The following NCOA3 variants were observed in gnomAD, a reference collection of about 807,000 sequenced individuals.
NCOA3 encodes nuclear receptor coactivator 3, also known as CBP-interacting protein.
A neutral mutation model predicts 158.8 loss-of-function variants in NCOA3; 51 were observed. The ratio of observed to expected loss-of-function variants is 0.32; its 90% CI spans 0.26 to 0.41. The LOEUF (loss-of-function observed/expected upper bound fraction) is 0.41. NCOA3 is among the 10% of genes least tolerant of loss of function. The pLI is 1.00. For synonymous variants in NCOA3, 537 were observed against 592.4 expected, an observed-to-expected ratio of 0.91 and a Z score of 1.36; for missense variants, 1,510 against 1,746.6, an observed-to-expected ratio of 0.86 and a Z score of 2.41.
chr20:47,569,045 G>A (rs2085249265), intron 1 of NCOA3, among the ~76,000 whole-genome samples: 1 of 151,088 alleles, frequency 6.6e-6, no homozygotes, highest in African/African-American at 2.4e-5. Flanking sequence ...TCTGCCTTCC[G>A]GGTTCAAGCA....
intron 17 of NCOA3, among the ~76,000 whole-genome samples, chr20:47,646,022 C>T (rs904880730): frequency 3.3e-5 from 5 of 152,062 alleles, no homozygotes; most frequent in African/African-American, 1.2e-4. Context: ...AATGGTGATG[C>T]TGTGTACCGT....
chr20:47,519,261 G>A (rs533549484), intron 1 of NCOA3, among the ~76,000 whole-genome samples: 1 of 152,072 alleles, frequency 6.6e-6, no homozygotes, highest in South Asian at 2.1e-4. Context: ...ATGGTGAAAT[G>A]CTGTCTCTAC....
At chr20:47,549,200 A>G (rs1402396939) in intron 1 of NCOA3, among the ~76,000 whole-genome samples, 1 of 151,810 alleles carries the variant, frequency 6.6e-6, no homozygotes, top group African/African-American at 2.4e-5. Flanking sequence ...TGTATCACCT[A>G]TGGAGAACAT....
chr20:47,524,688 G>T (rs1450068400), intron 1 of NCOA3, among the ~76,000 whole-genome samples: 1 of 152,162 alleles, frequency 6.6e-6, no homozygotes, highest in Non-Finnish European at 1.5e-5. Context: ...CAAAAGAGGA[G>T]GTCCCCCCAG....
chr20:47,602,341 A>G (rs1036718037), intron 2 of NCOA3, among the ~76,000 whole-genome samples: 10 of 152,178 alleles, frequency 6.6e-5, no homozygotes, highest in Non-Finnish European at 2.9e-5. Flanking sequence ...TTATAGGGCT[A>G]TTTTACTGGA....
In NCOA3 at chr20:47,655,755, T is replaced by C. The variant is rs1347596286; in HGVS notation, c.*2338T>C. On this transcript the variant is annotated 3_prime_UTR_variant, in exon 23 of 23. Coordinates refer to ENST00000371998, the MANE Select transcript of NCOA3 (RefSeq NM_181659.3). The stretch of plus-strand genomic sequence containing the variant: ...ATGGTGCTCTTATCTTTCTTGACTT[T>C]AAAAAAATTATTAAAAACAAAAAAA... The C allele has an allele frequency of 6.6e-6, 1 of 152,386 alleles. No individual in the cohort carries two copies. The highest frequency in any genetic ancestry group is 2.4e-5 in the African/African-American group (1 of 41,356). 9.4% of individuals were successfully genotyped at this position (152,386 alleles called of 1,614,324 possible).
chr20:47,592,166 T>G (rs1422274403), intron 2 of NCOA3, among the ~76,000 whole-genome samples: 1 of 152,134 alleles, frequency 6.6e-6, no homozygotes, highest in East Asian at 1.9e-4. Flanking sequence ...CCTCAGCTCC[T>G]GAGTAGCTGG....
At chr20:47,629,652 C>CA (rs1180317054) in intron 8 of NCOA3, among the ~76,000 whole-genome samples, 2 of 152,104 alleles carry the variant, frequency 1.3e-5, no homozygotes, top group African/African-American at 2.4e-5. Context: ...TATATTTGAA[C>CA]ATTTTCTCTG....
rs202239860 is a variant in NCOA3, at chr20:47,534,107, TG to T, written c.-99+32096del. On this transcript the variant is annotated intron_variant, in intron 1 of 22. Coordinates refer to ENST00000371998, the MANE Select transcript of NCOA3 (RefSeq NM_181659.3). ...CAACAGGATTTTGTGATGGTTTCAGTGGGGGGGGCGGGGGGTGAAGAGGGAA... is the reference window on the plus strand; with the variant it reads ...CAACAGGATTTTGTGATGGTTTCAGTGGGGGGGCGGGGGGTGAAGAGGGAA... Among the ~76,000 whole-genome samples the T allele has an allele frequency of 1.4e-4, 5 of 35,778 alleles. No homozygotes were observed. The East Asian group carries it at 3.1e-3, about 22-fold the overall frequency. 23.5% of individuals were successfully genotyped at this position (35,778 alleles called of 152,430 possible).
At chr20:47,539,106 A>T (rs1035794804) in intron 1 of NCOA3, among the ~76,000 whole-genome samples, 42 of 152,214 alleles carry the variant, frequency 2.8e-4, no homozygotes, top group Non-Finnish European at 3.5e-4. Context: ...AGCCTTTGGG[A>T]CAATCTGTTG....
At chr20:47,542,752 C>T (rs556032537) in intron 1 of NCOA3, among the ~76,000 whole-genome samples, 24 of 152,166 alleles carry the variant, frequency 1.6e-4, no homozygotes, top group African/African-American at 5.1e-4. Flanking sequence ...ATTTGAGCCC[C>T]GGAGTTTGAG....
At chr20:47,509,542 C>T (rs2084082117) in intron 1 of NCOA3, among the ~76,000 whole-genome samples, 1 of 152,160 alleles carries the variant, frequency 6.6e-6, no homozygotes, top group Non-Finnish European at 1.5e-5. Flanking sequence ...AAATTGCTGT[C>T]GTTGAAATGG....
intron 1 of NCOA3, among the ~76,000 whole-genome samples, chr20:47,576,293 T>C (rs2085371102): frequency 6.6e-6 from 1 of 152,192 alleles, no homozygotes; most frequent in African/African-American, 2.4e-5. Context: ...TAGATGTCTT[T>C]ATTATCTGAG....
At chr20:47,637,814 G>A in intron 13 of NCOA3, 31 bp downstream of exon 13, 1 of 1,314,236 alleles carries the variant, frequency 7.6e-7, no homozygotes. Context: ...TTTTTTTTTT[G>A]CTGCCTTTGA....
chr20:47,543,549 G>A (rs1451535857), intron 1 of NCOA3, among the ~76,000 whole-genome samples: 2 of 148,644 alleles, frequency 1.3e-5, no homozygotes, highest in Admixed American at 6.7e-5. Context: ...TTGCTCTGTT[G>A]CCCAGGCTGG....
chr20:47,510,023 C>G (rs892881695), intron 1 of NCOA3, among the ~76,000 whole-genome samples: 3 of 152,184 alleles, frequency 2.0e-5, no homozygotes, highest in Non-Finnish European at 4.4e-5. Flanking sequence ...CATCTTGCAT[C>G]ATTGGAGGGT....
At chr20:47,646,824 T>C (rs1465858054) in intron 17 of NCOA3, among the ~76,000 whole-genome samples, 3 of 152,226 alleles carry the variant, frequency 2.0e-5, no homozygotes, top group East Asian at 1.9e-4. Flanking sequence ...ACAGTACACC[T>C]GGTTCTTGTC....
Position 47,639,810 on chromosome 20 carries a change from A to G in NCOA3, c.2941A>G (p.Met981Val). ...ARPVLQQQQQ[M>V]LQMRPGEIPM... ...ACCAGTATTGCAACAGCAGCAGCAG[A>G]TGCTTCAAATGAGTAAGTGTCCACC... is the stretch of plus-strand genomic sequence containing the variant. Residue 981 changes from methionine (M) to valine (V), a missense_variant, in exon 15 of 23, where the codon ATG becomes GTG. Coordinates refer to ENST00000371998, the MANE Select transcript of NCOA3 (RefSeq NM_181659.3). The G allele has an allele frequency of 1.2e-6, 2 of 1,614,076 alleles. No homozygotes were observed. The highest frequency in any genetic ancestry group is 1.7e-6 in the Non-Finnish European group (2 of 1,179,912).
Position 47,627,963 on chromosome 20 carries a change from A to C in NCOA3, c.763A>C (p.Thr255Pro). The change falls in exon 8 of 23, where the codon ACA becomes CCA. Residue 255 changes from threonine (T) to proline (P), a missense_variant. Around this residue, in one of 4 missense-constraint regions of NCOA3, gnomAD observed 309 missense variants for 427.1 expected, o/e 0.72. Coordinates refer to ENST00000371998, the MANE Select transcript of NCOA3 (RefSeq NM_181659.3). ...GATCTGTGTGGCACGCCGCATTACT[A>C]CAGGAGAAAGAACATTTCCATCAAA... ...CMICVARRIT[T>P]GERTFPSNPE... The C allele has an allele frequency of 6.2e-7, 1 of 1,614,052 alleles. No individual in the cohort carries two copies. The highest frequency in any genetic ancestry group is 1.1e-5 in the South Asian group (1 of 91,086).
Sources: gnomAD v4.1 joint callset for allele counts (sites outside exome capture counted in the v4.1 genomes callset) on GRCh38, gnomAD v4.1.1 for gene constraint, gnomAD v4.1.1 regional missense constraint, MANE v1.5 for transcripts, NCBI Gene and HGNC (gene_info 2026-07-23, HGNC 2026-07-21) for gene names.